DIAPH2: variants seen among roughly 807,000 people sequenced by gnomAD.
DIAPH2 encodes the protein diaphanous related formin 2, also known as protein diaphanous homolog 2.
Under a neutral mutation model 92.7 loss-of-function variants are expected in DIAPH2, and 35 were observed. The ratio of observed to expected loss-of-function variants is 0.38; its 90% CI spans 0.29 to 0.50. The LOEUF is 0.50. Among genes scored for constraint, DIAPH2 ranks in the 20% least tolerant of loss-of-function variants. The pLI is 0.94. For synonymous variants in DIAPH2, 301 were observed against 280.4 expected (o/e 1.07, Z -0.73); for missense variants, 701 against 819.5 (o/e 0.86, Z 1.77).
chrX:97,443,846 G>A (rs928087734), intron 26 of DIAPH2, among the ~76,000 whole-genome samples: 6 of 111,830 alleles, frequency 5.4e-5, no homozygotes, highest in African/African-American at 1.9e-4. Context: ...ACTCCCACAT[G>A]GCTACTTAGA....
chrX:96,952,139 T>C (rs12842889), intron 15 of DIAPH2, among the ~76,000 whole-genome samples: 13,050 of 111,362 alleles, frequency 0.12, 754 homozygotes, highest in Middle Eastern at 0.2. Flanking sequence ...TTCCATAGTT[T>C]TGCTACTTTC....
In DIAPH2 at chrX:97,561,128, C is replaced by T. The variant is rs183365100; in HGVS notation, c.3242-38125C>T. On this transcript the variant is annotated intron_variant, in intron 26 of 26. Transcript: ENST00000324765. Reference sequence around the variant, plus strand: ...TTAGTGCTTATCACTAGGCATCTGCCGTATTTAATGATGTGTGTCATTTCA... The same window carrying T: ...TTAGTGCTTATCACTAGGCATCTGCTGTATTTAATGATGTGTGTCATTTCA... Among the ~76,000 whole-genome samples, 9 of 112,057 alleles carry T rather than the reference C, an allele frequency of 8.0e-5. No individual in the cohort carries two copies. In the East Asian group the frequency reaches 1.4e-3, roughly 17 times the overall value.
intron 25 of DIAPH2, among the ~76,000 whole-genome samples, chrX:97,425,846 A>G (rs1602581802): frequency 9.8e-6 from 1 of 101,871 alleles, no homozygotes. Flanking sequence ...GTGTGTGTGT[A>G]TAATTTTTAC....
At chrX:96,847,700 G>T (rs2064980902) in intron 4 of DIAPH2, among the ~76,000 whole-genome samples, 1 of 110,652 alleles carries the variant, frequency 9.0e-6, no homozygotes, top group Admixed American at 9.6e-5. Context: ...TGCATGTTGA[G>T]GGATCTGGTA....
At chrX:96,918,646 T>C (rs770145774) in intron 9 of DIAPH2, 29 bp downstream of exon 9, 22 of 1,001,911 alleles carry the variant, frequency 2.2e-5, no homozygotes, top group Middle Eastern at 2.7e-4. Flanking sequence ...AAATTGCTTC[T>C]AGAGTTATAT....
intron 17 of DIAPH2, among the ~76,000 whole-genome samples, chrX:96,973,223 C>T (rs1278850595): frequency 3.6e-5 from 4 of 112,096 alleles, no homozygotes; most frequent in Admixed American, 9.5e-5. Context: ...ATACGCTGAG[C>T]GTCGTGACTC....
chrX:97,428,096 T>C (rs73552487), intron 25 of DIAPH2, among the ~76,000 whole-genome samples: 177 of 110,941 alleles, frequency 1.6e-3, no homozygotes, highest in African/African-American at 5.6e-3. Flanking sequence ...TCAGTGTTTC[T>C]CTTCATTTTT....
At chrX:97,114,647 C>G (rs1441443160) in intron 20 of DIAPH2, 79 bp from the exon 21 acceptor site, 1 of 891,696 alleles carries the variant, frequency 1.1e-6, no homozygotes, top group Middle Eastern at 3.1e-4. Flanking sequence ...ACAGTGTTGT[C>G]TATGAAATTA....
intron 22 of DIAPH2, among the ~76,000 whole-genome samples, chrX:97,144,622 GTATA>G (rs3044924): frequency 4.6e-4 from 49 of 105,494 alleles, no homozygotes; most frequent in African/African-American, 1.0e-3. Flanking sequence ...TATATAGCGT[GTATA>G]TATATATATA....
chrX:97,343,857 C>T (rs1037403604), intron 23 of DIAPH2, among the ~76,000 whole-genome samples: 1 of 111,149 alleles, frequency 9.0e-6, no homozygotes, highest in East Asian at 2.8e-4. Context: ...GATTTTGCCA[C>T]ATGAAGGTCA....
intron 24 of DIAPH2, among the ~76,000 whole-genome samples, chrX:97,368,225 A>T (rs1382246088): frequency 6.2e-5 from 7 of 112,337 alleles, no homozygotes; most frequent in Non-Finnish European, 1.3e-4. Flanking sequence ...TTGACGTGGG[A>T]AACTCTGGAA....
chrX:97,321,838 C>G (rs755432109), intron 23 of DIAPH2, among the ~76,000 whole-genome samples: 1 of 111,401 alleles, frequency 9.0e-6, no homozygotes, highest in East Asian at 2.8e-4. Flanking sequence ...CGTGAGCCAC[C>G]GCGCCCGGCC....
chrX:96,859,887 C>T (rs1227352707), intron 4 of DIAPH2, among the ~76,000 whole-genome samples: 2 of 111,231 alleles, frequency 1.8e-5, no homozygotes, highest in East Asian at 2.8e-4. Context: ...GTGATCCGCC[C>T]GCCTCGGCCT....
intron 26 of DIAPH2, among the ~76,000 whole-genome samples, chrX:97,502,324 G>A (rs938934999): frequency 1.8e-5 from 2 of 111,857 alleles, no homozygotes; most frequent in African/African-American, 6.5e-5. Context: ...AACTCAGGCG[G>A]GACTTTCAAG....
At chrX:96,823,517 G>C (rs2064792035) in intron 4 of DIAPH2, among the ~76,000 whole-genome samples, 1 of 111,077 alleles carries the variant, frequency 9.0e-6, no homozygotes, top group Admixed American at 9.6e-5. Context: ...TAGACCAAGT[G>C]ATAAAATATA....
intron 25 of DIAPH2, among the ~76,000 whole-genome samples, chrX:97,421,266 G>A (rs1020962916): frequency 2.7e-5 from 3 of 111,992 alleles, no homozygotes; most frequent in African/African-American, 9.7e-5. Context: ...CTTTTACTTA[G>A]TCTTTATTAT....
chrX:97,555,758 G>T (rs1414338864), intron 26 of DIAPH2, among the ~76,000 whole-genome samples: 1 of 111,948 alleles, frequency 8.9e-6, no homozygotes, highest in African/African-American at 3.2e-5. Context: ...TTGTCATGGT[G>T]GTTATGTTTG....
chrX:96,945,432 T>G, intron 13 of DIAPH2, 95 bp from the exon 14 acceptor site: 4 of 556,879 alleles, frequency 7.2e-6, no homozygotes, highest in Non-Finnish European at 1.2e-5. Context: ...GACATAAAAA[T>G]GATAGTCTGC....
chrX:97,042,007 C>T (rs987056903), intron 17 of DIAPH2, among the ~76,000 whole-genome samples: 4 of 111,394 alleles, frequency 3.6e-5, no homozygotes, highest in South Asian at 3.7e-4. Context: ...GCTAGACTAT[C>T]GGAGTTTAAA....
Sources: gnomAD v4.1 joint callset for allele counts (sites outside exome capture counted in the v4.1 genomes callset) on GRCh38, gnomAD v4.1.1 for gene constraint, MANE v1.5 for transcripts, NCBI Gene and HGNC (gene_info 2026-07-23, HGNC 2026-07-21) for gene names.